Variants in POF1B observed in about 807,000 individuals in gnomAD.
POF1B encodes the protein protein POF1B.
A neutral mutation model predicts 55.3 loss-of-function variants in POF1B; 53 were observed. That is an observed-to-expected ratio of 0.96 (90% CI 0.77 to 1.20). POF1B has a LOEUF of 1.20. Among genes scored for constraint, POF1B ranks in the 50% most tolerant of loss-of-function variants. The pLI, the probability that POF1B is intolerant of heterozygous loss-of-function variation, is 0.00. For synonymous variants in POF1B, 188 were observed against 148.3 expected, an observed-to-expected ratio of 1.27 and a Z score of -1.95; for missense variants, 478 against 420.5, an observed-to-expected ratio of 1.14 and a Z score of -1.20.
At position 85,360,562 on chromosome X, in the gene POF1B, TATATAC is replaced by T. The variant is rs1386474419; in HGVS notation, c.358-938_358-933del. 2.2e-3 allele frequency among the ~76,000 whole-genome samples: 180 copies of T among 80,196 alleles called. 7 individuals are homozygous for T. The highest frequency in any genetic ancestry group is 7.3e-3 in the African/African-American group (82 of 11,239). The allele number at this position is 80,196 out of a possible 115,157, so 69.6% of individuals were successfully genotyped here. On this transcript the variant is annotated intron_variant, in intron 3 of 16. Coordinates refer to ENST00000262753, the MANE Select transcript of POF1B (RefSeq NM_024921.4). Reference sequence around the variant, plus strand: ...ATATATATATATATATATATATACATATATACACATTTTCTTTATCCAATCTGTCAT... The same window carrying T: ...ATATATATATATATATATATATACATACATTTTCTTTATCCAATCTGTCAT...
chrX:85,339,466 T>C (rs1023542775), intron 6 of POF1B, among the ~76,000 whole-genome samples: 9 of 111,048 alleles, frequency 8.1e-5, no homozygotes, highest in Non-Finnish European at 1.9e-5. Context: ...TCATAGAAGC[T>C]GCAGTATAGT....
At chrX:85,338,235 C>G (rs780676126) in intron 6 of POF1B, among the ~76,000 whole-genome samples, 33 of 111,669 alleles carry the variant, frequency 3.0e-4, no homozygotes, top group Non-Finnish European at 5.1e-4. Flanking sequence ...ATAGCCTAAT[C>G]TTTCAAGGTA....
At chrX:85,322,752 AAAAC>A (rs1932853167) in intron 7 of POF1B, among the ~76,000 whole-genome samples, 1 of 111,939 alleles carries the variant, frequency 8.9e-6, no homozygotes, top group African/African-American at 3.3e-5. Flanking sequence ...TTACAAGAAG[AAAAC>A]AAACAACCCC....
intron 7 of POF1B, among the ~76,000 whole-genome samples, chrX:85,317,503 G>T (rs1345541717): frequency 9.1e-6 from 1 of 110,051 alleles, no homozygotes; most frequent in Non-Finnish European, 1.9e-5. Context: ...TTGTGGTTTT[G>T]ATTTGCATTT....
chrX:85,328,168 T>TTTTATTTATTTATTTA (rs200508166), intron 7 of POF1B, among the ~76,000 whole-genome samples: 2 of 100,498 alleles, frequency 2.0e-5, no homozygotes, highest in Non-Finnish European at 4.0e-5. Context: ...ACAATATCTT[T>TTTTATTTATTTATTTA]TTTATTTATT....
chrX:85,356,734 T>A (rs1933509484), intron 4 of POF1B, among the ~76,000 whole-genome samples: 1 of 111,543 alleles, frequency 9.0e-6, no homozygotes, highest in Admixed American at 9.5e-5. Flanking sequence ...CACCTTCTTT[T>A]TCTCAACCTG....
intron 7 of POF1B, among the ~76,000 whole-genome samples, chrX:85,327,657 A>G (rs1932912219): frequency 8.9e-6 from 1 of 112,427 alleles, no homozygotes; most frequent in Non-Finnish European, 1.9e-5. Flanking sequence ...ACATGTATAG[A>G]TGCAAAGTTG....
chrX:85,314,351 T>G, intron 9 of POF1B, 81 bp downstream of exon 9: 2 of 715,408 alleles, frequency 2.8e-6, no homozygotes, highest in Non-Finnish European at 4.0e-6. Flanking sequence ...TTTGGGACTT[T>G]CTGTTCTTAA....
At chrX:85,316,513 T>C (rs1932788720) in intron 7 of POF1B, among the ~76,000 whole-genome samples, 1 of 111,004 alleles carries the variant, frequency 9.0e-6, no homozygotes, top group Non-Finnish European at 1.9e-5. Flanking sequence ...GGGCAAGACA[T>C]AGGCCTTCAT....
chrX:85,329,975 T>C (rs776710177), intron 7 of POF1B, among the ~76,000 whole-genome samples: 1 of 109,764 alleles, frequency 9.1e-6, no homozygotes, highest in African/African-American at 3.3e-5. Context: ...TATAAAATTA[T>C]ATATTATTTA....
At chrX:85,359,711 T>G (rs1003292220) in intron 3 of POF1B, 81 bp from the exon 4 acceptor site, 1 of 645,197 alleles carries the variant, frequency 1.5e-6, no homozygotes, top group African/African-American at 2.2e-5. Context: ...GGGAACAATT[T>G]CCAGGGTTAA....
chrX:85,322,534 G>T (rs1049790667), intron 7 of POF1B, among the ~76,000 whole-genome samples: 2 of 111,709 alleles, frequency 1.8e-5, no homozygotes, highest in Non-Finnish European at 3.8e-5. Flanking sequence ...CTAGGCATGG[G>T]CAAGGACTTC....
At chrX:85,293,984 T>A (rs765343355) in intron 15 of POF1B, among the ~76,000 whole-genome samples, 5 of 106,414 alleles carry the variant, frequency 4.7e-5, no homozygotes, top group Non-Finnish European at 7.8e-5. Context: ...AAAAAAAAAA[T>A]AAATAAAGAA....
chrX:85,367,720 G>A lies in POF1B; in HGVS notation c.329C>T (p.Thr110Ile). Residue 110 changes from threonine (T) to isoleucine (I), a missense_variant, in exon 3 of 17, where the codon ACT becomes ATT. Transcript: ENST00000262753. The stretch of plus-strand genomic sequence containing the variant: ...TTCAGTATTTTGGGTTATATGTAGA[G>A]TACTTGGGGCACATGTAGATATTTT... ...TLKISTCAPS[T>I]LHITQNTEQE... 1 of 1,171,362 alleles carries A rather than the reference G, an allele frequency of 8.5e-7. No individual in the cohort carries two copies. The highest frequency in any genetic ancestry group is 2.5e-5 in the Admixed American group (1 of 40,701).
chrX:85,299,182 T>G (rs1207445963), intron 15 of POF1B, among the ~76,000 whole-genome samples: 1 of 98,449 alleles, frequency 1.0e-5, no homozygotes, highest in African/African-American at 4.2e-5. Flanking sequence ...TAAAACAATC[T>G]TTTTTTTTCT....
chrX:85,323,159 G>A (rs181855171), intron 7 of POF1B, among the ~76,000 whole-genome samples: 1 of 111,287 alleles, frequency 9.0e-6, no homozygotes, highest in Non-Finnish European at 1.9e-5. Context: ...CATTTATTGC[G>A]GCACTATTCA....
At chrX:85,346,169 G>T in intron 5 of POF1B, 127 bp from the exon 6 acceptor site, 1 of 488,537 alleles carries the variant, frequency 2.0e-6, no homozygotes, top group Non-Finnish European at 3.0e-6. Context: ...AGGATTTATA[G>T]ATTTAACTAG....
intron 15 of POF1B, among the ~76,000 whole-genome samples, chrX:85,285,709 G>C (rs1344458006): frequency 1.8e-5 from 2 of 108,538 alleles, no homozygotes; most frequent in Non-Finnish European, 3.8e-5. Flanking sequence ...CAAATGATGA[G>C]TTAATGGGTG....
intron 9 of POF1B, among the ~76,000 whole-genome samples, chrX:85,308,474 A>G (rs1382926826): frequency 8.1e-5 from 9 of 111,395 alleles, no homozygotes; most frequent in Non-Finnish European, 5.7e-5. Context: ...GTCACAAAGT[A>G]GAATTCTATC....
Sources: allele counts gnomAD v4.1 joint callset (sites outside exome capture counted in the v4.1 genomes callset), GRCh38; gene constraint gnomAD v4.1.1; transcripts MANE v1.5; gene names NCBI Gene and HGNC (gene_info 2026-07-23, HGNC 2026-07-21).